AFG2A: variants seen among roughly 807,000 people sequenced by gnomAD.
AFG2A encodes ATPase family gene 2 protein homolog A.
chr4:123,194,271 T>C, the AFG2A span, among the ~76,000 whole-genome samples: 20 of 152,326 alleles, frequency 1.3e-4, no homozygotes, highest in Admixed American at 4.6e-4. Context: ...AAGAATGGTC[T>C]TGGGCCACAC....
At chr4:122,987,310 A>C in the AFG2A span, among the ~76,000 whole-genome samples, 1 of 152,178 alleles carries the variant, frequency 6.6e-6, no homozygotes, top group Non-Finnish European at 1.5e-5. Flanking sequence ...AGAATACTTT[A>C]AATTAAAATC....
chr4:123,174,536 A>G, the AFG2A span, among the ~76,000 whole-genome samples: 2 of 152,160 alleles, frequency 1.3e-5, no homozygotes, highest in African/African-American at 2.4e-5. Flanking sequence ...TTTCAACCAC[A>G]TTTTAATCCA....
At chr4:123,174,813 C>CT in the AFG2A span, among the ~76,000 whole-genome samples, 7,156 of 117,368 alleles carry the variant, frequency 0.061, 191 homozygotes, top group Non-Finnish European at 0.085. Context: ...TTTTTCTGAT[C>CT]TTTTTTAAAA....
chr4:123,233,721 G>A, the AFG2A span, among the ~76,000 whole-genome samples: 1 of 148,822 alleles, frequency 6.7e-6, no homozygotes, highest in Non-Finnish European at 1.5e-5. Context: ...ATGGGTGTAT[G>A]TGTGTGTGTG....
At chr4:122,967,283 C>T in the AFG2A span, among the ~76,000 whole-genome samples, 1 of 151,896 alleles carries the variant, frequency 6.6e-6, no homozygotes, top group Non-Finnish European at 1.5e-5. Context: ...GTCTGTAGTC[C>T]TAGCTACTTG....
chr4:123,247,642 G>C, the AFG2A span, among the ~76,000 whole-genome samples: 1 of 151,986 alleles, frequency 6.6e-6, no homozygotes, highest in Non-Finnish European at 1.5e-5. Flanking sequence ...TGCCTAGGCT[G>C]GTCTCAAATG....
the AFG2A span, among the ~76,000 whole-genome samples, chr4:123,278,273 G>A: frequency 2.6e-5 from 4 of 152,200 alleles, no homozygotes; most frequent in South Asian, 6.2e-4. Context: ...TACTCTCTGA[G>A]AGCTTTTTTT....
the AFG2A span, among the ~76,000 whole-genome samples, chr4:123,054,920 C>T: frequency 3.3e-5 from 5 of 151,908 alleles, 1 homozygote; most frequent in Non-Finnish European, 7.4e-5. Flanking sequence ...TATAACTGTT[C>T]TCTCGACTTC....
chr4:123,149,053 G>A, the AFG2A span, among the ~76,000 whole-genome samples: 1 of 152,088 alleles, frequency 6.6e-6, no homozygotes, highest in South Asian at 2.1e-4. Flanking sequence ...ATAGGCGTGA[G>A]CCACGGCGCC....
At chr4:123,223,905 A>G in the AFG2A span, among the ~76,000 whole-genome samples, 4 of 152,334 alleles carry the variant, frequency 2.6e-5, no homozygotes, top group East Asian at 7.7e-4. Flanking sequence ...TTTGCCTTGC[A>G]GAAACTTTTT....
the AFG2A span, among the ~76,000 whole-genome samples, chr4:123,191,457 G>T: frequency 6.6e-6 from 1 of 151,954 alleles, no homozygotes; most frequent in Non-Finnish European, 1.5e-5. Context: ...TCCAGAAAAG[G>T]AACCTGTAAT....
At chr4:123,226,149 A>G in the AFG2A span, among the ~76,000 whole-genome samples, 6 of 152,296 alleles carry the variant, frequency 3.9e-5, no homozygotes, top group South Asian at 1.0e-3. Context: ...CAGTCATGTC[A>G]TCTGCAAACA....
At chr4:122,986,275 A>C in the AFG2A span, among the ~76,000 whole-genome samples, 20 of 152,244 alleles carry the variant, frequency 1.3e-4, no homozygotes, top group African/African-American at 4.6e-4. Context: ...TGTTCTGTGT[A>C]TATCAGTTAA....
the AFG2A span, among the ~76,000 whole-genome samples, chr4:123,065,375 T>C: frequency 1.3e-5 from 2 of 152,154 alleles, no homozygotes; most frequent in Admixed American, 1.3e-4. Context: ...TAAGCCTTAG[T>C]TTCTTCATCT....
chr4:123,095,030 CA>C, the AFG2A span, among the ~76,000 whole-genome samples: 8 of 35,320 alleles, frequency 2.3e-4, no homozygotes, highest in Admixed American at 7.8e-4. Flanking sequence ...TCCCTCCCCA[CA>C]AAAAAAAAAA....
At chr4:122,936,223 G>A in the AFG2A span, 2 of 1,234,856 alleles carry the variant, frequency 1.6e-6, no homozygotes, top group Non-Finnish European at 1.1e-6. Context: ...TGAGATACTA[G>A]CACCTTATAC....
the AFG2A span, among the ~76,000 whole-genome samples, chr4:123,012,192 TG>T: frequency 4.9e-5 from 4 of 81,890 alleles, no homozygotes; most frequent in Non-Finnish European, 9.4e-5. Context: ...AGAGAAGGGG[TG>T]GGGGGCGCTT....
chr4:123,022,497 A>C, the AFG2A span, among the ~76,000 whole-genome samples: 39 of 150,766 alleles, frequency 2.6e-4, no homozygotes, highest in East Asian at 2.9e-3. Flanking sequence ...ACCATCTCAC[A>C]CCAGTTAGAA....
At chr4:123,280,594 A>G in the AFG2A span, among the ~76,000 whole-genome samples, 1 of 152,306 alleles carries the variant, frequency 6.6e-6, no homozygotes, top group Admixed American at 6.5e-5. Flanking sequence ...GGCCCCCTGC[A>G]TTCCTTGGTT....
Sources: gnomAD v4.1 joint callset for allele counts (sites outside exome capture counted in the v4.1 genomes callset) on GRCh38, gnomAD v4.1.1 for gene constraint, MANE v1.5 for transcripts, NCBI Gene and HGNC (gene_info 2026-07-23, HGNC 2026-07-21) for gene names.